CAPZB: variants seen among roughly 807,000 people sequenced by gnomAD.
CAPZB encodes F-actin-capping protein subunit beta.
CAPZB carries 2 observed loss-of-function variants against 38.1 expected under a neutral mutation model. The observed-to-expected ratio is 0.05, with a 90% CI of 0.02 to 0.17. The LOEUF (loss-of-function observed/expected upper bound fraction) is 0.17, where lower values mean the gene tolerates loss of function less well. Ranked by LOEUF, CAPZB falls within the 10% of genes least tolerant of loss-of-function variation. The pLI is 1.00. For missense variants in CAPZB, 161 were observed against 334.2 expected (o/e 0.48, Z 4.04); for synonymous variants, 107 against 127.4 (o/e 0.84, Z 1.08).
At chr1:19,468,782 G>A (rs560161107) in intron 1 of CAPZB, among the ~76,000 whole-genome samples, 67 of 152,092 alleles carry the variant, frequency 4.4e-4, no homozygotes, top group African/African-American at 1.6e-3. Context: ...GGGCCACTGA[G>A]TCGGCACACG....
chr1:19,427,282 T>C (rs2094426336), intron 1 of CAPZB, among the ~76,000 whole-genome samples: 1 of 152,248 alleles, frequency 6.6e-6, no homozygotes, highest in South Asian at 2.1e-4. Flanking sequence ...AGCATCTGTC[T>C]GTACATAAAC....
chr1:19,420,022 C>G (rs1162975246), intron 1 of CAPZB: 2 of 421,488 alleles, frequency 4.7e-6, no homozygotes, highest in Non-Finnish European at 8.5e-6. Flanking sequence ...AAAGCTCCCT[C>G]ACCGGCTCCC....
At chr1:19,431,961 C>T (rs2094443265) in intron 1 of CAPZB, among the ~76,000 whole-genome samples, 1 of 147,472 alleles carries the variant, frequency 6.8e-6, no homozygotes, top group South Asian at 2.1e-4. Context: ...GCCTGTAGTC[C>T]CAGCTACTCG....
intron 1 of CAPZB, among the ~76,000 whole-genome samples, chr1:19,459,479 T>C (rs1385904253): frequency 6.6e-6 from 1 of 152,220 alleles, no homozygotes; most frequent in Non-Finnish European, 1.5e-5. Context: ...TGATTGATTT[T>C]TTTAAAACCT....
chr1:19,411,856 C>A (rs2094358195), intron 2 of CAPZB, among the ~76,000 whole-genome samples: 1 of 152,158 alleles, frequency 6.6e-6, no homozygotes, highest in South Asian at 2.1e-4. Flanking sequence ...CACCTGGACA[C>A]AAATCAGAGG....
chr1:19,469,873 G>T lies in CAPZB; in HGVS notation c.3+15563C>A, dbSNP rs188498271. On this transcript the variant is annotated intron_variant, in intron 1 of 8. Transcript: ENST00000264202. The stretch of plus-strand genomic sequence containing the variant: ...TGCCCACAAGCACCCAGGTCGGGGG[G>T]TATTCCACAGAACCACAAGCCCAGG... 3.9e-5 allele frequency among the ~76,000 whole-genome samples: 6 copies of T among 152,110 alleles called. No individual in the cohort carries two copies. The East Asian group carries it at 1.2e-3, about 29-fold the overall frequency.
At chr1:19,363,137 G>A (rs58401551) in intron 4 of CAPZB, among the ~76,000 whole-genome samples, 5 of 151,574 alleles carry the variant, frequency 3.3e-5, no homozygotes, top group Non-Finnish European at 7.4e-5. Flanking sequence ...GCTGGAGTGT[G>A]GTGGTGCGAT....
chr1:19,385,620 T>G lies in CAPZB; in HGVS notation c.100A>C (p.Ser34Arg), dbSNP rs532876346. ...NLSDLIDLVP[S>R]LCEDLLSSVD... ...GAAGACAGGAGATCCTCACATAGAC[T>G]GGGGACCTGGCAGAGAGAAAGGACA... Residue 34 changes from serine (S) to arginine (R), a missense_variant, in exon 3 of 9, where the codon AGT becomes CGT. Ser to Arg is a moderately radical substitution (Grantham distance 110). Transcript: ENST00000264202. 6.2e-7 allele frequency: 1 copy of G among 1,614,172 alleles called. No individual in the cohort carries two copies. The highest frequency in any genetic ancestry group is 1.1e-5 in the South Asian group (1 of 91,086).
chr1:19,398,442 C>A (rs1445727068), intron 2 of CAPZB, among the ~76,000 whole-genome samples: 1 of 152,176 alleles, frequency 6.6e-6, no homozygotes, highest in Non-Finnish European at 1.5e-5. Flanking sequence ...AGCTTCTAAA[C>A]CTCCATGACC....
chr1:19,349,081 CT>C (rs1478538255), intron 6 of CAPZB, among the ~76,000 whole-genome samples: 5 of 152,140 alleles, frequency 3.3e-5, no homozygotes, highest in African/African-American at 4.8e-5. Flanking sequence ...CTCGGCAGCA[CT>C]GGAGCGTCTG....
rs3790764 is a variant in CAPZB at position 19,372,899 on chromosome 1, G to A, written c.329+5641C>T. 4.6e-5 allele frequency among the ~76,000 whole-genome samples: 7 copies of A among 152,268 alleles called. No individual in the cohort carries two copies. The East Asian group carries it at 1.4e-3, about 29-fold the overall frequency. ...CCTAGATGTTGGGGACCAGGTGGGTGGGCTGGCTGGGAGGGGAAGTGATGA... is the reference window on the plus strand; with the variant it reads ...CCTAGATGTTGGGGACCAGGTGGGTAGGCTGGCTGGGAGGGGAAGTGATGA... On this transcript the variant is annotated intron_variant, in intron 4 of 8. Transcript: ENST00000264202.
At chr1:19,473,998 ATTCT>A (rs892136317) in intron 1 of CAPZB, among the ~76,000 whole-genome samples, 2 of 151,580 alleles carry the variant, frequency 1.3e-5, no homozygotes, top group East Asian at 3.9e-4. Flanking sequence ...TTTTATGTAC[ATTCT>A]TTTTTTTTTT....
chr1:19,423,371 TGTGGA>T (rs1176034407), intron 1 of CAPZB, among the ~76,000 whole-genome samples: 4 of 151,936 alleles, frequency 2.6e-5, no homozygotes, highest in Admixed American at 2.6e-4. Flanking sequence ...ATGAAGCAGA[TGTGGA>T]TGACCTTCAG....
intron 4 of CAPZB, among the ~76,000 whole-genome samples, chr1:19,375,655 G>T (rs779617764): frequency 2.0e-5 from 3 of 152,190 alleles, no homozygotes; most frequent in Non-Finnish European, 4.4e-5. Flanking sequence ...GAGTGTGTAG[G>T]CAAGTCAAAG....
At chr1:19,433,471 T>C (rs1049678474) in intron 1 of CAPZB, among the ~76,000 whole-genome samples, 7 of 152,284 alleles carry the variant, frequency 4.6e-5, no homozygotes, top group Middle Eastern at 3.4e-3. Flanking sequence ...ATTTATAAGA[T>C]GGCCTAGATG....
chr1:19,406,033 G>C (rs529505408), intron 2 of CAPZB, among the ~76,000 whole-genome samples: 2 of 152,326 alleles, frequency 1.3e-5, no homozygotes, highest in East Asian at 3.9e-4. Context: ...CTCTCAGGCA[G>C]GCTCTGTGCG....
At chr1:19,359,723 C>G (rs1390321797) in intron 4 of CAPZB, among the ~76,000 whole-genome samples, 1 of 152,184 alleles carries the variant, frequency 6.6e-6, no homozygotes, top group Non-Finnish European at 1.5e-5. Flanking sequence ...GGGGAAGGGT[C>G]TGGCTCTGGC....
Position 19,461,320 on chromosome 1 carries a change from C to A in CAPZB, c.3+24116G>T, listed in dbSNP as rs188857652. On this transcript the variant is annotated intron_variant, in intron 1 of 8. Coordinates refer to ENST00000264202, the MANE Select transcript of CAPZB (RefSeq NM_004930.5). ...TGCTTTGCAAACTGGCAACCCTCAG[C>A]ATAGGTCACACAGAGGGACAACTGA... Among the ~76,000 whole-genome samples, 158 of 152,310 alleles carry A rather than the reference C, an allele frequency of 1.0e-3. 1 individual carries two copies. The highest frequency in any genetic ancestry group is 3.6e-3 in the African/African-American group (149 of 41,574).
At chr1:19,430,710 C>CCACCCG (rs1243053968) in intron 1 of CAPZB, among the ~76,000 whole-genome samples, 4 of 152,142 alleles carry the variant, frequency 2.6e-5, no homozygotes, top group African/African-American at 2.4e-5. Context: ...TGGCGGCCGC[C>CCACCCG]CACCCGCACC....
Sources: allele counts gnomAD v4.1 joint callset (sites outside exome capture counted in the v4.1 genomes callset), GRCh38; gene constraint gnomAD v4.1.1; transcripts MANE v1.5; gene names NCBI Gene and HGNC (gene_info 2026-07-23, HGNC 2026-07-21).